ST7L: variants seen among roughly 807,000 people sequenced by gnomAD.
ST7L encodes suppression of tumorigenicity 7 like.
Under a neutral mutation model 72.5 loss-of-function variants are expected in ST7L, and 57 were observed. The ratio of observed to expected loss-of-function variants is 0.79; its 90% confidence interval spans 0.64 to 0.98. ST7L has a LOEUF of 0.98. Among genes scored for constraint, ST7L ranks in the 50% least tolerant of loss-of-function variants. The pLI, the probability that ST7L is intolerant of heterozygous loss-of-function variation, is 0.00. For missense variants in ST7L, 576 were observed against 672.2 expected (o/e 0.86, Z 1.58); for synonymous variants, 221 against 240.9 (o/e 0.92, Z 0.77).
chr1:112,534,123 A>G (rs1350068292), intron 14 of ST7L, among the ~76,000 whole-genome samples: 1 of 152,160 alleles, frequency 6.6e-6, no homozygotes, highest in Non-Finnish European at 1.5e-5. Context: ...TTTTCTGACA[A>G]TCCACATCAG....
chr1:112,599,011 G>GATC (rs576406407), intron 4 of ST7L, among the ~76,000 whole-genome samples: 4 of 133,828 alleles, frequency 3.0e-5, no homozygotes, highest in Non-Finnish European at 6.2e-5. Context: ...AGTGAACCAA[G>GATC]ATCATACAAC....
intron 12 of ST7L, among the ~76,000 whole-genome samples, chr1:112,554,589 A>G (rs536058032): frequency 3.9e-5 from 6 of 152,342 alleles, no homozygotes; most frequent in Admixed American, 3.3e-4. Context: ...AATTAAACAT[A>G]GAATTTTATG....
intron 11 of ST7L, among the ~76,000 whole-genome samples, chr1:112,559,608 G>A (rs760870100): frequency 6.6e-6 from 1 of 152,108 alleles, no homozygotes; most frequent in African/African-American, 2.4e-5. Context: ...AATTCAGGTG[G>A]TAAACACACA....
rs1325446951 is a variant in ST7L, at chr1:112,542,093, G to C, written c.1490-3C>G. ...GTAAACAGAAACATGATGAAAGGCT[G>C]CAATGGAGAATAGGTAAGAATCAAT... On this transcript the variant is annotated splice_polypyrimidine_tract_variant and splice_region_variant and intron_variant, in intron 13 of 14. Transcript: ENST00000358039. The C allele has an allele frequency of 6.2e-7, 1 of 1,602,962 alleles. No homozygotes were observed. Among genetic ancestry groups the C allele is most frequent in the Non-Finnish European group, 8.5e-7 (1 of 1,175,264 alleles).
downstream of ST7L, chr1:112,520,837 C>T (rs1652832748): frequency 3.2e-6 from 1 of 313,600 alleles, no homozygotes; most frequent in Non-Finnish European, 5.9e-6. Flanking sequence ...TCCTTTGCAC[C>T]AGCTTCCCGA....
intron 11 of ST7L, among the ~76,000 whole-genome samples, chr1:112,556,839 A>G (rs1470803049): frequency 6.6e-6 from 1 of 151,726 alleles, no homozygotes; most frequent in Non-Finnish European, 1.5e-5. Flanking sequence ...CTGGTGGTGC[A>G]TGCCTGTAGT....
At chr1:112,530,391 A>G (rs771601123) in intron 14 of ST7L, among the ~76,000 whole-genome samples, 6 of 152,250 alleles carry the variant, frequency 3.9e-5, no homozygotes, top group Admixed American at 1.3e-4. Context: ...CCTAATTTGT[A>G]TAAACTCAAG....
chr1:112,579,001 T>G lies in ST7L; in HGVS notation c.1070-584A>C, dbSNP rs530014808. ...CTTGTTTGACCTCAGTTTTCACCTCTCAAAATAATGATATTTTCTGACCGA... is the reference window on the plus strand; with the variant it reads ...CTTGTTTGACCTCAGTTTTCACCTCGCAAAATAATGATATTTTCTGACCGA... On this transcript the variant is annotated intron_variant, in intron 9 of 14. Transcript: ENST00000358039. 5.3e-5 allele frequency among the ~76,000 whole-genome samples: 8 copies of G among 152,322 alleles called. No individual in the cohort carries two copies. In the South Asian group the frequency reaches 1.7e-3, roughly 32 times the overall value.
Position 112,526,286 on chromosome 1 carries a change from A to G in ST7L, c.1630-175T>C, listed in dbSNP as rs1653372005. On this transcript the variant is annotated intron_variant, in intron 14 of 14. Transcript: ENST00000358039. Reference sequence around the variant, plus strand: ...TTACCACCAGTACCATGTGACCACTATACAACATATTCCACATTTAAACAA... The same window carrying G: ...TTACCACCAGTACCATGTGACCACTGTACAACATATTCCACATTTAAACAA... 4.4e-6 allele frequency: 3 copies of G among 677,860 alleles called. No individual in the cohort carries two copies. In the South Asian group the frequency reaches 7.9e-5, roughly 18 times the overall value. The allele number at this position is 677,860 out of a possible 1,614,324, so 42.0% of individuals were successfully genotyped here.
At chr1:112,551,338 C>T (rs605882) in intron 12 of ST7L, among the ~76,000 whole-genome samples, 2 of 151,492 alleles carry the variant, frequency 1.3e-5, no homozygotes, top group Non-Finnish European at 3.0e-5. Context: ...TTAGTAGAGG[C>T]GGGGTTTCAC....
intron 2 of ST7L, among the ~76,000 whole-genome samples, chr1:112,611,969 CAAAAAAAAAAAAAAAA>C (rs146893029): frequency 1.4e-5 from 1 of 71,566 alleles, no homozygotes; most frequent in Non-Finnish European, 2.6e-5. Context: ...GACCCTGTCT[CAAAAAAAAAAAAAAAA>C]AAAAAAAAAG....
At chr1:112,553,642 T>G (rs1658621595) in intron 12 of ST7L, among the ~76,000 whole-genome samples, 1 of 152,226 alleles carries the variant, frequency 6.6e-6, no homozygotes, top group Non-Finnish European at 1.5e-5. Flanking sequence ...ATGAGCCTAT[T>G]AGACACTGTA....
chr1:112,546,668 C>T (rs572210420), intron 13 of ST7L, among the ~76,000 whole-genome samples: 8 of 152,256 alleles, frequency 5.3e-5, no homozygotes, highest in African/African-American at 1.2e-4. Context: ...CAGTTCTAGT[C>T]CCTTATGAAG....
chr1:112,518,179 T>C, the ST7L span: 1 of 152,180 alleles, frequency 6.6e-6, no homozygotes, highest in Admixed American at 6.5e-5. Context: ...TTCTTGGAGG[T>C]GCTGGAAGTT....
At chr1:112,585,664 C>T (rs12119489) in intron 6 of ST7L, among the ~76,000 whole-genome samples, 32,175 of 150,580 alleles carry the variant, frequency 0.21, 3,639 homozygotes, top group Middle Eastern at 0.26. Context: ...ACCTGGGAGA[C>T]GGAGCTTGCA....
At chr1:112,599,073 A>AAATATAT (rs1190968815) in intron 4 of ST7L, among the ~76,000 whole-genome samples, 12 of 56,994 alleles carry the variant, frequency 2.1e-4, no homozygotes, top group East Asian at 9.3e-4. Context: ...AAAAAAAAAA[A>AAATATAT]ATATATATAT....
intron 12 of ST7L, among the ~76,000 whole-genome samples, 181 bp downstream of exon 12, chr1:112,555,687 G>A (rs1658999058): frequency 6.6e-6 from 1 of 152,134 alleles, no homozygotes; most frequent in Admixed American, 6.5e-5. Flanking sequence ...GCTTTTGTGG[G>A]ATCAATATAA....
intron 14 of ST7L, among the ~76,000 whole-genome samples, chr1:112,539,536 G>C (rs1330991521): frequency 6.6e-6 from 1 of 151,914 alleles, no homozygotes; most frequent in Non-Finnish European, 1.5e-5. Flanking sequence ...CGTGCCTGTA[G>C]TCCCAGCTAT....
At chr1:112,573,977 C>T (rs1422141984) in intron 11 of ST7L, among the ~76,000 whole-genome samples, 2 of 132,196 alleles carry the variant, frequency 1.5e-5, no homozygotes, top group African/African-American at 3.0e-5. Flanking sequence ...TGCAGTGGTG[C>T]GATCTCGGCT....
Sources: gnomAD v4.1 joint callset for allele counts (sites outside exome capture counted in the v4.1 genomes callset) on GRCh38, gnomAD v4.1.1 for gene constraint, MANE v1.5 for transcripts, NCBI Gene and HGNC (gene_info 2026-07-23, HGNC 2026-07-21) for gene names.